TMEM30A: variants seen among roughly 807,000 people sequenced by gnomAD.
TMEM30A encodes cell cycle control protein 50A.
TMEM30A carries 24 observed loss-of-function variants against 38.2 expected under a neutral mutation model. The observed-to-expected ratio is 0.63, with a 90% CI of 0.46 to 0.88. TMEM30A has a LOEUF of 0.88. TMEM30A is among the 40% of genes least tolerant of loss of function. The probability of loss-of-function intolerance (pLI) is 0.00; values close to 1 mark genes in which losing one functional copy is unlikely to be tolerated. For synonymous variants in TMEM30A, 145 were observed against 161.6 expected (o/e 0.90, Z 0.78); for missense variants, 370 against 458.6 (o/e 0.81, Z 1.77).
chr6:75,276,146 C>G (rs969570472), intron 1 of TMEM30A, among the ~76,000 whole-genome samples: 5 of 152,216 alleles, frequency 3.3e-5, no homozygotes, highest in Admixed American at 2.0e-4. Flanking sequence ...GTGTGGCACC[C>G]CAGTGAGCAC....
In TMEM30A at chr6:75,254,753, T is replaced by C. The variant is rs919739535; in HGVS notation, c.*1349A>G. ...TAAAAAAACAACAACAAAAAAGCAATTTCAATGTAATTAAGCCACCTCTGA... is the reference window on the plus strand; with the variant it reads ...TAAAAAAACAACAACAAAAAAGCAACTTCAATGTAATTAAGCCACCTCTGA... On this transcript the variant is annotated 3_prime_UTR_variant, in exon 7 of 7. Transcript: ENST00000230461. The C allele has an allele frequency of 3.9e-5, 6 of 152,472 alleles. No homozygotes were observed. The highest frequency in any genetic ancestry group is 8.8e-5 in the Non-Finnish European group (6 of 67,952). The allele number at this position is 152,472 out of a possible 1,614,324, so 9.4% of individuals were successfully genotyped here.
chr6:75,259,460 T>C lies in TMEM30A; in HGVS notation c.572A>G (p.Asp191Gly). 3.7e-6 allele frequency: 6 copies of C among 1,607,346 alleles called. No individual in the cohort carries two copies. The highest frequency in any genetic ancestry group is 5.1e-6 in the Non-Finnish European group (6 of 1,177,770). ...DTLELFLIGNDSYPIPIALKK... is the reference protein window; with the variant it reads ...DTLELFLIGNGSYPIPIALKK... ...CAAAGCGATAGGTATAGGATAAGAA[T>C]CATTGCCAATGAGAAACAATTCTAA... Residue 191 changes from aspartate (D) to glycine (G), a missense_variant, in exon 5 of 7, where the codon GAT (aspartate) becomes GGT (glycine). Physicochemically the swap from Asp to Gly is moderately conservative, Grantham distance 94. Transcript: ENST00000230461.
intron 6 of TMEM30A, 139 bp from the exon 7 acceptor site, chr6:75,256,434 TCACACACACA>T (rs61289920): frequency 1.9e-6 from 1 of 518,270 alleles, no homozygotes; most frequent in African/African-American, 1.9e-5. Flanking sequence ...ACGTTCTAAA[TCACACACACA>T]CACACACAAA....
rs1419611279 is a variant in TMEM30A at position 75,259,349 on chromosome 6, T to G, written c.683A>C (p.Lys228Thr). 1 of 1,609,750 alleles carries G rather than the reference T, an allele frequency of 6.2e-7. No individual in the cohort carries two copies. The highest frequency in any genetic ancestry group is 8.5e-7 in the Non-Finnish European group (1 of 1,178,730). ...PGGDNLEERF[K>T]GTTKPVNWLK... ...AAGGGATATTAGTAATGTTTTACCTTTAAATCGTTCTTCCAGGTTGTCTCC... is the reference window on the plus strand; with the variant it reads ...AAGGGATATTAGTAATGTTTTACCTGTAAATCGTTCTTCCAGGTTGTCTCC... The change falls in exon 5 of 7, where the codon AAA (lysine) becomes ACA (threonine). Residue 228 changes from lysine to threonine, a missense_variant and splice_region_variant. Coordinates refer to ENST00000230461, the MANE Select transcript of TMEM30A (RefSeq NM_018247.4).
rs757886739 is a variant in TMEM30A, at chr6:75,284,486, T to C, written c.153A>G (p.Leu51=). The C allele has an allele frequency of 1.9e-6, 3 of 1,612,568 alleles. No homozygotes were observed. The highest frequency in any genetic ancestry group is 2.2e-5 in the East Asian group (1 of 44,852). ...TGAGACCGATGATGAAGAAAATAGG[T>C]AGCACCGTGCCAGCCGTAAGGATGG... The part of the protein sequence containing the change: ...WQPILTAGTV[L]PIFFIIGLIF... The change falls in exon 1 of 7, where the codon CTA becomes CTG. Residue 51 remains leucine (L), a synonymous_variant. Coordinates refer to ENST00000230461, the MANE Select transcript of TMEM30A (RefSeq NM_018247.4).
At chr6:75,277,359 C>T (rs1437303134) in intron 1 of TMEM30A, among the ~76,000 whole-genome samples, 1 of 149,856 alleles carries the variant, frequency 6.7e-6, no homozygotes, top group Non-Finnish European at 1.5e-5. Flanking sequence ...TGTTAAGTGT[C>T]ACTGTATCAA....
rs780406467 is a variant in TMEM30A at position 75,259,497 on chromosome 6, A to C, written c.542-7T>G. 1.3e-6 allele frequency: 2 copies of C among 1,588,924 alleles called. No individual in the cohort carries two copies. On this transcript the variant is annotated splice_polypyrimidine_tract_variant and splice_region_variant and intron_variant, in intron 4 of 6. Transcript: ENST00000230461. ...AGAAACAATTCTAATGTATCTAAACACAAGCAAAGAAAGACATTACTAACT... is the reference window on the plus strand; with the variant it reads ...AGAAACAATTCTAATGTATCTAAACCCAAGCAAAGAAAGACATTACTAACT...
Position 75,256,284 on chromosome 6 carries a change from G to A in TMEM30A, c.904C>T (p.His302Tyr). The A allele has an allele frequency of 6.2e-7, 1 of 1,612,696 alleles. No individual in the cohort carries two copies. Among genetic ancestry groups the A allele is most frequent in the Non-Finnish European group, 8.5e-7 (1 of 1,179,112 alleles). Residue 302 changes from histidine to tyrosine, a missense_variant, in exon 7 of 7, where the codon CAT (histidine) becomes TAT (tyrosine). His to Tyr is a moderately conservative substitution (Grantham distance 83, BLOSUM62 2). Coordinates refer to ENST00000230461, the MANE Select transcript of TMEM30A (RefSeq NM_018247.4). ...ATCCGTTTTCGTCCATCAAAATAATGTACAGGGTAATCTGAAGAGGGTATA... is the reference window on the plus strand; with the variant it reads ...ATCCGTTTTCGTCCATCAAAATAATATACAGGGTAATCTGAAGAGGGTATA... ...SLNVTYNYPV[H>Y]YFDGRKRMIL...
At chr6:75,269,141 C>T (rs150805255) in intron 1 of TMEM30A, among the ~76,000 whole-genome samples, 53 of 152,230 alleles carry the variant, frequency 3.5e-4, no homozygotes, top group Non-Finnish European at 5.7e-4. Context: ...CTATAATCGA[C>T]GAACCTACAC....
chr6:75,269,912 G>A (rs892504054), intron 1 of TMEM30A, among the ~76,000 whole-genome samples: 1 of 152,012 alleles, frequency 6.6e-6, no homozygotes, highest in Admixed American at 6.5e-5. Context: ...CTAGGATGGT[G>A]TCTATCTCTT....
At chr6:75,257,274 T>C (rs1032814201) in intron 6 of TMEM30A, among the ~76,000 whole-genome samples, 2 of 152,202 alleles carry the variant, frequency 1.3e-5, no homozygotes, top group African/African-American at 2.4e-5. Flanking sequence ...GCCATCATTC[T>C]AGTCTTTAGT....
chr6:75,258,749 T>C (rs780068383), intron 6 of TMEM30A, 31 bp downstream of exon 6: 2 of 1,601,284 alleles, frequency 1.2e-6, no homozygotes, highest in African/African-American at 1.3e-5. Context: ...TCAAGCTCTA[T>C]GAATCTGTAT....
intron 1 of TMEM30A, among the ~76,000 whole-genome samples, chr6:75,282,839 C>T (rs988906130): frequency 3.3e-5 from 5 of 152,114 alleles, no homozygotes; most frequent in African/African-American, 7.2e-5. Context: ...AGAGAGATTA[C>T]GGAAATTTTC....
intron 1 of TMEM30A, among the ~76,000 whole-genome samples, chr6:75,269,278 G>A (rs1772125797): frequency 6.6e-6 from 1 of 152,038 alleles, no homozygotes; most frequent in Non-Finnish European, 1.5e-5. Context: ...TAGTCTCTCT[G>A]CCCTAAAAAA....
chr6:75,270,601 C>CGT (rs1772149503), intron 1 of TMEM30A, among the ~76,000 whole-genome samples: 2 of 152,166 alleles, frequency 1.3e-5, no homozygotes, highest in Admixed American at 1.3e-4. Context: ...CTGAATCTAC[C>CGT]AGTACCTTGA....
intron 1 of TMEM30A, among the ~76,000 whole-genome samples, chr6:75,271,418 G>C (rs1332812937): frequency 6.6e-6 from 1 of 151,900 alleles, no homozygotes; most frequent in Non-Finnish European, 1.5e-5. Context: ...ATCACAATCT[G>C]ATTATGATTT....
At chr6:75,278,394 C>T (rs990585388) in intron 1 of TMEM30A, among the ~76,000 whole-genome samples, 4 of 152,200 alleles carry the variant, frequency 2.6e-5, no homozygotes, top group Non-Finnish European at 5.9e-5. Flanking sequence ...CATTTTCCAG[C>T]CTCCCTTGTA....
chr6:75,253,503 T>C lies in TMEM30A; in HGVS notation c.*2599A>G, dbSNP rs1031898794. ...AATTACATTTTATCCCATCCAGGCATGAAGAAGTTAAAACCTGGACTCACT... is the reference window on the plus strand; with the variant it reads ...AATTACATTTTATCCCATCCAGGCACGAAGAAGTTAAAACCTGGACTCACT... On this transcript the variant is annotated 3_prime_UTR_variant, in exon 7 of 7. Transcript: ENST00000230461. 2.0e-5 allele frequency: 3 copies of C among 152,596 alleles called. No individual in the cohort carries two copies. The East Asian group carries it at 5.8e-4, about 29-fold the overall frequency. 9.5% of individuals were successfully genotyped at this position (152,596 alleles called of 1,614,324 possible).
At chr6:75,260,719 T>G (rs550289995) in intron 4 of TMEM30A, 105 bp downstream of exon 4, 1 of 618,538 alleles carries the variant, frequency 1.6e-6, no homozygotes, top group South Asian at 3.6e-5. Flanking sequence ...GTCTTAAATG[T>G]TTGAGTTTCT....
Sources: gnomAD v4.1 joint callset for allele counts (sites outside exome capture counted in the v4.1 genomes callset) on GRCh38, gnomAD v4.1.1 for gene constraint, MANE v1.5 for transcripts, NCBI Gene and HGNC (gene_info 2026-07-23, HGNC 2026-07-21) for gene names.